Variants in CLIP4 observed in about 807,000 individuals in gnomAD.
The protein encoded by CLIP4 is CAP-Gly domain-containing linker protein 4.
In CLIP4, 47 loss-of-function variants were observed where a neutral mutation model predicts 73.1. The ratio of observed to expected loss-of-function variants is 0.64; its 90% CI spans 0.51 to 0.82. The LOEUF (loss-of-function observed/expected upper bound fraction) is 0.82. Ranked by LOEUF, CLIP4 falls within the 40% of genes least tolerant of loss-of-function variation. The pLI is 0.00. For synonymous variants in CLIP4, 306 were observed against 295.4 expected, an observed-to-expected ratio of 1.04 and a Z score of -0.37; for missense variants, 874 against 852.9, an observed-to-expected ratio of 1.02 and a Z score of -0.31.
intron 2 of CLIP4, among the ~76,000 whole-genome samples, chr2:29,129,790 A>C (rs750316231): frequency 2.4e-4 from 36 of 152,300 alleles, no homozygotes; most frequent in Admixed American, 1.5e-3. Context: ...AAGGCAGACT[A>C]TCTTACCTAA....
At position 29,143,865 on chromosome 2, in the gene CLIP4, T is replaced by G; in HGVS notation, c.805T>G (p.Tyr269Asp). The change falls in exon 7 of 16, where the codon TAT (tyrosine) becomes GAT (aspartate). Residue 269 changes from tyrosine (Y) to aspartate (D), a missense_variant. Transcript: ENST00000320081. ...CNISKAMLPN[Y>D]DHVTGKAMLT... ...CATCTCAAAGGCCATGCTCCCAAAT[T>G]ATGATCATGTCACTGGCAAGGCAAT... 3 of 1,614,120 alleles carry G rather than the reference T, an allele frequency of 1.9e-6. No homozygotes were observed. The highest frequency in any genetic ancestry group is 1.6e-4 in the Middle Eastern group (1 of 6,062).
At chr2:29,144,006 G>C (rs374617989) in intron 7 of CLIP4, 61 bp downstream of exon 7, 2 of 1,339,864 alleles carry the variant, frequency 1.5e-6, no homozygotes, top group Non-Finnish European at 2.1e-6. Context: ...CTATGTTCAA[G>C]GACACAGTAT....
At chr2:29,103,691 G>T (rs1668116492) in intron 1 of CLIP4, among the ~76,000 whole-genome samples, 1 of 146,380 alleles carries the variant, frequency 6.8e-6, no homozygotes, top group Non-Finnish European at 1.5e-5. Context: ...GCACTGCTCT[G>T]TTTTTTTTTT....
chr2:29,162,960 A>T (rs1278043714), intron 12 of CLIP4, among the ~76,000 whole-genome samples: 2 of 152,102 alleles, frequency 1.3e-5, no homozygotes, highest in Non-Finnish European at 2.9e-5. Flanking sequence ...TTTTTACTTG[A>T]TACTGATTAT....
intron 15 of CLIP4, among the ~76,000 whole-genome samples, chr2:29,180,373 G>T (rs893575470): frequency 6.6e-6 from 1 of 152,150 alleles, no homozygotes; most frequent in Admixed American, 6.5e-5. Context: ...GTGCACTGGG[G>T]AGTCCCATGC....
intron 8 of CLIP4, among the ~76,000 whole-genome samples, chr2:29,150,136 A>C (rs567570090): frequency 6.6e-6 from 1 of 152,196 alleles, no homozygotes; most frequent in African/African-American, 2.4e-5. Context: ...ATCCTAGGCA[A>C]TTCCACCCAG....
intron 1 of CLIP4, among the ~76,000 whole-genome samples, chr2:29,107,358 GT>G (rs796180363): frequency 0.029 from 1,897 of 65,406 alleles, 124 homozygotes; most frequent in African/African-American, 0.093. Context: ...GAACATGATA[GT>G]TTTTTTTTTT....
At chr2:29,166,264 A>C (rs1054990062) in intron 13 of CLIP4, among the ~76,000 whole-genome samples, 4 of 152,122 alleles carry the variant, frequency 2.6e-5, no homozygotes, top group Non-Finnish European at 5.9e-5. Flanking sequence ...GGTAGTGTCC[A>C]GTCACAATCA....
chr2:29,156,094 G>C (rs1666904230), intron 9 of CLIP4, among the ~76,000 whole-genome samples: 1 of 152,156 alleles, frequency 6.6e-6, no homozygotes, highest in South Asian at 2.1e-4. Context: ...GAAGAAATCT[G>C]ACCTGTCCCT....
In CLIP4 at chr2:29,183,362, A is replaced by T. The variant is rs546704686; in HGVS notation, c.*1469A>T. 6.5e-6 allele frequency: 1 copy of T among 152,800 alleles called. No homozygotes were observed. The highest frequency in any genetic ancestry group is 1.9e-4 in the East Asian group (1 of 5,196). 9.5% of individuals were successfully genotyped at this position (152,800 alleles called of 1,614,324 possible). ...CTTTTTAAAATAGTGTGGTATTTCA[A>T]ATATTGCTAGAGCTATTTTCCTGAA... On this transcript the variant is annotated 3_prime_UTR_variant, in exon 16 of 16. Coordinates refer to ENST00000320081, the MANE Select transcript of CLIP4 (RefSeq NM_024692.6).
intron 1 of CLIP4, among the ~76,000 whole-genome samples, chr2:29,118,035 G>A (rs1663989369): frequency 6.6e-6 from 1 of 152,156 alleles, no homozygotes; most frequent in Non-Finnish European, 1.5e-5. Flanking sequence ...GCAAATAAAA[G>A]GATCATTGGA....
chr2:29,175,913 C>T (rs754712207), intron 15 of CLIP4, among the ~76,000 whole-genome samples: 14 of 152,068 alleles, frequency 9.2e-5, no homozygotes, highest in East Asian at 5.8e-4. Flanking sequence ...AGGCGCCCGC[C>T]ACCACACCCG....
intron 2 of CLIP4, among the ~76,000 whole-genome samples, chr2:29,127,303 T>G (rs1664668966): frequency 6.6e-6 from 1 of 151,944 alleles, no homozygotes; most frequent in South Asian, 2.1e-4. Flanking sequence ...CTTGCCCAAT[T>G]GTGTCCTGTT....
At chr2:29,111,472 A>C (rs1668385632), upstream of CLIP4, among the ~76,000 whole-genome samples, 1 of 152,210 alleles carries the variant, frequency 6.6e-6, no homozygotes, top group Admixed American at 6.5e-5. Flanking sequence ...ATAGACCAGC[A>C]TATTGGTGGC....
At chr2:29,134,148 A>T (rs1665181069) in intron 5 of CLIP4, among the ~76,000 whole-genome samples, 1 of 152,182 alleles carries the variant, frequency 6.6e-6, no homozygotes, top group South Asian at 2.1e-4. Flanking sequence ...CCAGAAATAG[A>T]ATAATAAGGT....
chr2:29,131,559 A>G, intron 3 of CLIP4, 162 bp downstream of exon 3: 2 of 647,856 alleles, frequency 3.1e-6, no homozygotes, highest in East Asian at 3.2e-5. Flanking sequence ...AGTTAATACT[A>G]TATATTCTTC....
chr2:29,134,157 G>T (rs1665182005), intron 5 of CLIP4, among the ~76,000 whole-genome samples: 1 of 152,064 alleles, frequency 6.6e-6, no homozygotes, highest in African/African-American at 2.4e-5. Context: ...GAATAATAAG[G>T]TCTTCAGAGA....
At chr2:29,135,768 A>G (rs542331930) in intron 6 of CLIP4, 102 bp downstream of exon 6, 70 of 719,212 alleles carry the variant, frequency 9.7e-5, no homozygotes, top group Non-Finnish European at 1.3e-4. Flanking sequence ...GAACTCTTAC[A>G]TGAGCAAGTA....
rs754071460 is a variant in CLIP4 at position 29,181,597 on chromosome 2, T to G, written c.1822T>G (p.Trp608Gly). The change falls in exon 16 of 16, where the codon TGG (tryptophan) becomes GGG (glycine). Residue 608 changes from tryptophan (W) to glycine (G), a missense_variant. Physicochemically the swap from Trp to Gly is radical, Grantham distance 184. Transcript: ENST00000320081. ...SKSKAALRRS[W>G]SSTPTAGGIE... is the part of the protein sequence containing the mutation. ...ATCGAAAGCTGCTTTGCGTCGCAGT[T>G]GGAGCAGCACCCCCACCGCAGGTGG... 46 of 1,610,548 alleles carry G rather than the reference T, an allele frequency of 2.9e-5. 1 individual carries two copies. In the South Asian group the frequency reaches 4.8e-4, roughly 17 times the overall value.
Sources: gnomAD v4.1 joint callset for allele counts (sites outside exome capture counted in the v4.1 genomes callset) on GRCh38, gnomAD v4.1.1 for gene constraint, MANE v1.5 for transcripts, NCBI Gene and HGNC (gene_info 2026-07-23, HGNC 2026-07-21) for gene names.